SLC20A2: variants seen among roughly 807,000 people sequenced by gnomAD.
The protein encoded by SLC20A2 is solute carrier family 20 member 2, also known as sodium-dependent phosphate transporter 2.
SLC20A2 carries 30 observed loss-of-function variants against 61.0 expected under a neutral mutation model. The observed-to-expected ratio is 0.49, with a 90% CI of 0.37 to 0.67. The LOEUF (loss-of-function observed/expected upper bound fraction) is 0.67, where lower values mean the gene tolerates loss of function less well. Among genes scored for constraint, SLC20A2 ranks in the 30% least tolerant of loss-of-function variants. The probability of loss-of-function intolerance (pLI) is 0.00; values close to 1 mark genes in which losing one functional copy is unlikely to be tolerated. For synonymous variants in SLC20A2, 351 were observed against 353.3 expected, an observed-to-expected ratio of 0.99 and a Z score of 0.07; for missense variants, 626 against 866.4, an observed-to-expected ratio of 0.72 and a Z score of 3.48.
In SLC20A2 at chr8:42,417,623, G is replaced by T; in HGVS notation, c.*180C>A. On this transcript the variant is annotated 3_prime_UTR_variant, in exon 11 of 11. Transcript: ENST00000520262. ...TACAGTAGTTAAGTTAGCTCGGGAAGGTGAGTCTCCGCAGCCTGGGTGAAC... is the reference window on the plus strand; with the variant it reads ...TACAGTAGTTAAGTTAGCTCGGGAATGTGAGTCTCCGCAGCCTGGGTGAAC... 1.8e-6 allele frequency: 1 copy of T among 551,220 alleles called. No individual in the cohort carries two copies. The highest frequency in any genetic ancestry group is 3.2e-6 in the Non-Finnish European group (1 of 312,668). The allele number at this position is 551,220 out of a possible 1,614,324, so 34.1% of individuals were successfully genotyped here. A position where few individuals can be genotyped will look rare whatever the true frequency, so the allele number is the denominator to read the frequency against.
chr8:42,449,005 C>T (rs1017846985), intron 5 of SLC20A2, among the ~76,000 whole-genome samples: 5 of 152,202 alleles, frequency 3.3e-5, no homozygotes, highest in Non-Finnish European at 7.3e-5. Context: ...CAGCACAGGA[C>T]AGCGCCTGAA....
intron 1 of SLC20A2, among the ~76,000 whole-genome samples, chr8:42,528,404 T>C (rs1025346996): frequency 1.3e-5 from 2 of 151,670 alleles, no homozygotes; most frequent in South Asian, 2.1e-4. Context: ...AGAACTTGCA[T>C]TGAGCAGAGA....
chr8:42,508,544 C>A (rs1481532137), intron 1 of SLC20A2, among the ~76,000 whole-genome samples: 1 of 152,134 alleles, frequency 6.6e-6, no homozygotes, highest in Admixed American at 6.5e-5. Context: ...GCACCTGCCA[C>A]CACGCCTGGC....
At chr8:42,460,490 C>T (rs1377097971) in intron 4 of SLC20A2, among the ~76,000 whole-genome samples, 1 of 152,222 alleles carries the variant, frequency 6.6e-6, no homozygotes, top group Non-Finnish European at 1.5e-5. Flanking sequence ...GATTTTACAA[C>T]ACTCTATTAC....
At chr8:42,527,896 T>A (rs1240939281) in intron 1 of SLC20A2, among the ~76,000 whole-genome samples, 1 of 152,232 alleles carries the variant, frequency 6.6e-6, no homozygotes, top group Non-Finnish European at 1.5e-5. Flanking sequence ...TAAATCTATT[T>A]GTATTTTAAA....
At chr8:42,495,873 C>G (rs1248761464) in intron 1 of SLC20A2, among the ~76,000 whole-genome samples, 1 of 152,084 alleles carries the variant, frequency 6.6e-6, no homozygotes, top group South Asian at 2.1e-4. Flanking sequence ...CCTCAGCCTC[C>G]CAAGTAGCTG....
At position 42,506,458 on chromosome 8, in the gene SLC20A2, C is replaced by T. The variant is rs140856570; in HGVS notation, c.-264-33804G>A. ...ACAGGCACACAAAGAGTCTCATAAA[C>T]GGCCGGGGCCATTATGCTCACAGCA... On this transcript the variant is annotated intron_variant, in intron 1 of 10. Transcript: ENST00000342228. Among the ~76,000 whole-genome samples the T allele has an allele frequency of 7.9e-5, 12 of 152,294 alleles. No homozygotes were observed. In the East Asian group the frequency reaches 1.5e-3, roughly 20 times the overall value.
intron 1 of SLC20A2, among the ~76,000 whole-genome samples, chr8:42,527,765 T>C (rs1812070370): frequency 6.6e-6 from 1 of 151,464 alleles, no homozygotes; most frequent in African/African-American, 2.4e-5. Flanking sequence ...CGAAACTCCG[T>C]CTCAAAAAAA....
chr8:42,437,371 G>A lies in SLC20A2; in HGVS notation c.1141C>T (p.Arg381Cys), dbSNP rs1166268453. 6 of 1,614,128 alleles carry A rather than the reference G, an allele frequency of 3.7e-6. No homozygotes were observed. Among genetic ancestry groups the A allele is most frequent in the Admixed American group, 3.3e-5 (2 of 60,014 alleles). ...TAGCAGGTGTAACTGTTGTTTCGGCGCAGCAGCCGGTAGTTGCTTTCCTGG... is the reference window on the plus strand; with the variant it reads ...TAGCAGGTGTAACTGTTGTTTCGGCACAGCAGCCGGTAGTTGCTTTCCTGG... ...PAQESNYRLL[R>C]RNNSYTCYTA... is the part of the protein sequence containing the mutation. Residue 381 changes from arginine to cysteine, a missense_variant, in exon 8 of 11, where the codon CGC becomes TGC. By Grantham distance (180) the Arg-to-Cys change is radical (BLOSUM62 -3). Transcript: ENST00000520262. The surrounding 1 kb of genome is among the most constrained non-coding windows in gnomAD (Gnocchi z 6.4).
chr8:42,463,249 G>A (rs950246197), intron 3 of SLC20A2, 159 bp from the exon 4 acceptor site: 64 of 519,576 alleles, frequency 1.2e-4, no homozygotes, highest in Admixed American at 4.1e-4. Context: ...CCTGTGACTT[G>A]GCAGAGCTGA....
intron 1 of SLC20A2, among the ~76,000 whole-genome samples, chr8:42,508,923 T>A (rs964764934): frequency 6.6e-6 from 1 of 152,214 alleles, no homozygotes; most frequent in African/African-American, 2.4e-5. Flanking sequence ...GAAAGTGGCA[T>A]CTGCAGCAAG....
rs1461195718 is a variant in SLC20A2, at chr8:42,466,013, A to G, written c.290-96T>C. On this transcript the variant is annotated intron_variant, in intron 2 of 10. Transcript: ENST00000520262. ...AATGTTTTCCATAACAACATCTCCC[A>G]GAGTTTAATTTTCTGTGAATTGTTT... The G allele has an allele frequency of 4.5e-6, 5 of 1,106,202 alleles. No homozygotes were observed. The East Asian group carries it at 1.4e-4, about 30-fold the overall frequency. 68.5% of individuals were successfully genotyped at this position (1,106,202 alleles called of 1,614,324 possible).
chr8:42,434,469 G>A (rs2130988015), intron 8 of SLC20A2, among the ~76,000 whole-genome samples: 1 of 152,188 alleles, frequency 6.6e-6, no homozygotes, highest in Middle Eastern at 3.4e-3. Flanking sequence ...CCAGCTCACT[G>A]CAAGCTCTTG....
chr8:42,423,708 GTTC>G (rs1291586293), intron 10 of SLC20A2, among the ~76,000 whole-genome samples: 12 of 152,208 alleles, frequency 7.9e-5, no homozygotes, highest in African/African-American at 1.7e-4. Context: ...TAATTTCTGA[GTTC>G]TTAACAATTT....
At chr8:42,420,997 A>C (rs1230735400) in intron 10 of SLC20A2, among the ~76,000 whole-genome samples, 1 of 152,190 alleles carries the variant, frequency 6.6e-6, no homozygotes, top group African/African-American at 2.4e-5. Flanking sequence ...TTTCACCAAA[A>C]TGTATTCTTT....
At chr8:42,498,950 T>G (rs1456744733) in intron 1 of SLC20A2, among the ~76,000 whole-genome samples, 1 of 152,192 alleles carries the variant, frequency 6.6e-6, no homozygotes, top group Non-Finnish European at 1.5e-5. Flanking sequence ...CCCTCAAAGC[T>G]TCTGAGCAGA....
At chr8:42,422,207 C>A (rs1278514035) in intron 10 of SLC20A2, among the ~76,000 whole-genome samples, 1 of 152,196 alleles carries the variant, frequency 6.6e-6, no homozygotes, top group Non-Finnish European at 1.5e-5. Context: ...CACCCACCAC[C>A]ACACTTGCCT....
chr8:42,452,905 C>A (rs1805859454), intron 5 of SLC20A2, among the ~76,000 whole-genome samples: 3 of 152,120 alleles, frequency 2.0e-5, no homozygotes, highest in Admixed American at 2.0e-4. Context: ...TACATTAGAA[C>A]GGTAATGAGG....
chr8:42,452,072 G>A (rs1805746223), intron 5 of SLC20A2, among the ~76,000 whole-genome samples: 1 of 134,586 alleles, frequency 7.4e-6, no homozygotes, highest in Non-Finnish European at 1.6e-5. Flanking sequence ...AGGAGGGGGA[G>A]GAAGAGATGA....
Sources: allele counts gnomAD v4.1 joint callset (sites outside exome capture counted in the v4.1 genomes callset), GRCh38; gene constraint gnomAD v4.1.1; non-coding constraint Gnocchi (gnomAD v3.1); transcripts MANE v1.5; gene names NCBI Gene and HGNC (gene_info 2026-07-23, HGNC 2026-07-21).